The following SEMA4D variants were observed in gnomAD, a reference collection of about 807,000 sequenced individuals.
SEMA4D encodes the protein semaphorin-4D.
SEMA4D carries 22 observed loss-of-function variants against 74.8 expected under a neutral mutation model. The observed-to-expected ratio is 0.29, with a 90% CI of 0.21 to 0.42. The LOEUF (loss-of-function observed/expected upper bound fraction) is 0.42. Ranked by LOEUF, SEMA4D falls within the 10% of genes least tolerant of loss-of-function variation. The pLI is 1.00. For missense variants in SEMA4D, 937 were observed against 1,118.4 expected (o/e 0.84, Z 2.31); for synonymous variants, 445 against 463.7 (o/e 0.96, Z 0.52).
rs1207620398 is a variant in SEMA4D, at chr9:89,388,769, A to G, written c.974T>C (p.Val325Ala). 6.2e-7 allele frequency: 1 copy of G among 1,607,352 alleles called. No homozygotes were observed. The highest frequency in any genetic ancestry group is 8.5e-7 in the Non-Finnish European group (1 of 1,175,792). Residue 325 changes from valine to alanine, a missense_variant, in exon 11 of 16, where the codon GTG becomes GCG. Physicochemically the swap from Val to Ala is moderately conservative, Grantham distance 64. Transcript: ENST00000422704. The part of the protein sequence containing the change: ...PQLNNVGLSA[V>A]CAYNLSTAEE... ...GGCTGTGGACAGGTTGTAGGCGCAC[A>G]CTGCCGACAGCCCCACGTTGTTCCT...
At chr9:89,416,782 G>A (rs1001923423) in intron 2 of SEMA4D, among the ~76,000 whole-genome samples, 7 of 152,182 alleles carry the variant, frequency 4.6e-5, no homozygotes, top group African/African-American at 1.7e-4. Flanking sequence ...TTCATGAAGA[G>A]ATTATGTTTC....
intron 2 of SEMA4D, chr9:89,418,446 C>T (rs2134134122): frequency 1.0e-6 from 1 of 984,390 alleles, no homozygotes; most frequent in Non-Finnish European, 1.2e-6. Context: ...GTCTGTGAAC[C>T]AAAAAAGTAC....
chr9:89,478,139 C>T (rs1178494447), intron 1 of SEMA4D, among the ~76,000 whole-genome samples: 2 of 152,186 alleles, frequency 1.3e-5, no homozygotes, highest in African/African-American at 2.4e-5. Flanking sequence ...CCAGCTCAGC[C>T]CGCGCAGTAT....
chr9:89,423,744 C>T (rs535882775), intron 2 of SEMA4D, among the ~76,000 whole-genome samples: 16 of 151,534 alleles, frequency 1.1e-4, no homozygotes, highest in East Asian at 3.9e-4. Context: ...TCACCTCCCC[C>T]GGCTATTACC....
chr9:89,488,508 G>A (rs1339460234), intron 1 of SEMA4D, among the ~76,000 whole-genome samples: 2 of 151,862 alleles, frequency 1.3e-5, no homozygotes, highest in Admixed American at 6.6e-5. Flanking sequence ...AAGAAGCTGG[G>A]ATTACATACG....
rs1289688235 is a variant in SEMA4D at position 89,387,381 on chromosome 9, C to G, written c.1330+5G>C. 1 of 1,602,308 alleles carries G rather than the reference C, an allele frequency of 6.2e-7. No homozygotes were observed. Among genetic ancestry groups the G allele is most frequent in the African/African-American group, 1.3e-5 (1 of 74,676 alleles). On this transcript the variant is annotated splice_donor_5th_base_variant and intron_variant, in intron 12 of 15. Coordinates refer to ENST00000422704, the MANE Select transcript of SEMA4D (RefSeq NM_001371194.2). Reference sequence around the variant, plus strand: ...TGTCAAGCCTGCCAAGCCCTCGGAACCCACCTGTGCTGACAAACATGACAT... The same window carrying G: ...TGTCAAGCCTGCCAAGCCCTCGGAAGCCACCTGTGCTGACAAACATGACAT...
Position 89,480,368 on chromosome 9 carries a change from G to A in SEMA4D, c.-310+17551C>T, listed in dbSNP as rs960170619. Among the ~76,000 whole-genome samples the A allele has an allele frequency of 1.2e-4, 19 of 152,370 alleles. 1 individual carries two copies. The South Asian group carries it at 2.5e-3, about 20-fold the overall frequency. On this transcript the variant is annotated intron_variant, in intron 1 of 15. Coordinates refer to ENST00000422704, the MANE Select transcript of SEMA4D (RefSeq NM_001371194.2). ...CAGCTGGTTTCACCTAGTGGATCCC[G>A]CACCGGGGCTGCAGGTGGAGCTGCC... is the stretch of plus-strand genomic sequence containing the variant.
At chr9:89,362,143 G>A in exon 19 of SEMA4D, 2 of 589,944 alleles carry the variant, frequency 3.4e-6, no homozygotes, top group South Asian at 4.2e-5. Context: ...ACCTGCTTGT[G>A]CCAGACAGAA....
At chr9:89,434,939 T>C (rs1258852259) in intron 2 of SEMA4D, among the ~76,000 whole-genome samples, 1 of 152,194 alleles carries the variant, frequency 6.6e-6, no homozygotes. Context: ...GTTCTTGATT[T>C]TTTTCTCCTG....
chr9:89,363,965 C>T lies in SEMA4D; in HGVS notation c.1883-15G>A, dbSNP rs147013702. On this transcript the variant is annotated splice_polypyrimidine_tract_variant and intron_variant, in intron 16 of 18. Coordinates refer to the SEMA4D transcript ENST00000339861. ...GTCTGCAGGACCTGGGGACACAGAC[C>T]GTTTCCACCTCTGAGTCCACATTTA... The T allele has an allele frequency of 8.4e-5, 135 of 1,614,016 alleles. No individual in the cohort carries two copies. In the East Asian group the frequency reaches 1.5e-3, roughly 18 times the overall value.
At chr9:89,481,193 G>A (rs1238007252) in intron 1 of SEMA4D, among the ~76,000 whole-genome samples, 3 of 152,240 alleles carry the variant, frequency 2.0e-5, no homozygotes, top group Admixed American at 2.0e-4. Context: ...TGTTAGGAAT[G>A]ACAGGGACGT....
chr9:89,472,521 G>A (rs879734154), intron 1 of SEMA4D: 12 of 271,838 alleles, frequency 4.4e-5, no homozygotes, highest in South Asian at 8.5e-5. Flanking sequence ...GGAGTTAACA[G>A]TCCTAACGAC....
intron 6 of SEMA4D, among the ~76,000 whole-genome samples, chr9:89,396,483 T>G (rs1054822362): frequency 4.6e-5 from 7 of 152,198 alleles, no homozygotes; most frequent in Admixed American, 3.9e-4. Context: ...CCCAGCACCT[T>G]GAGCTGCACC....
At chr9:89,406,900 T>C (rs960350822) in intron 2 of SEMA4D, among the ~76,000 whole-genome samples, 2 of 152,092 alleles carry the variant, frequency 1.3e-5, no homozygotes, top group African/African-American at 4.8e-5. Context: ...CTACAGTCCA[T>C]GTCCCCACCT....
At chr9:89,449,112 G>C (rs1853692169) in intron 2 of SEMA4D, among the ~76,000 whole-genome samples, 1 of 152,182 alleles carries the variant, frequency 6.6e-6, no homozygotes, top group Non-Finnish European at 1.5e-5. Flanking sequence ...TTTTGGGGAG[G>C]GGTATGCTCA....
chr9:89,437,524 C>T (rs1342493259), intron 2 of SEMA4D, among the ~76,000 whole-genome samples: 2 of 152,184 alleles, frequency 1.3e-5, no homozygotes, highest in Non-Finnish European at 2.9e-5. Flanking sequence ...CAGGCGGCAG[C>T]GACAGGCACT....
intron 2 of SEMA4D, among the ~76,000 whole-genome samples, chr9:89,413,308 T>G (rs1429283864): frequency 6.6e-6 from 1 of 152,220 alleles, no homozygotes; most frequent in African/African-American, 2.4e-5. Context: ...CTTTTGCCTG[T>G]CAGTACTTGT....
chr9:89,433,783 C>A (rs1192529455), intron 2 of SEMA4D, among the ~76,000 whole-genome samples: 2 of 152,166 alleles, frequency 1.3e-5, no homozygotes, highest in Non-Finnish European at 2.9e-5. Flanking sequence ...AAGAGCATGG[C>A]CCTAGGTGCA....
chr9:89,435,975 G>A (rs1289597452), intron 2 of SEMA4D, among the ~76,000 whole-genome samples: 1 of 152,226 alleles, frequency 6.6e-6, no homozygotes, highest in Non-Finnish European at 1.5e-5. Flanking sequence ...CTAGGCCAAG[G>A]AAGCGCCCCC....
Sources: allele counts gnomAD v4.1 joint callset (sites outside exome capture counted in the v4.1 genomes callset), GRCh38; gene constraint gnomAD v4.1.1; transcripts MANE v1.5; gene names NCBI Gene and HGNC (gene_info 2026-07-23, HGNC 2026-07-21).